Variants in PTPRT observed in about 807,000 individuals in gnomAD.
PTPRT encodes protein tyrosine phosphatase receptor type T, also known as receptor-type tyrosine-protein phosphatase T.
In PTPRT, 56 loss-of-function variants were observed where a neutral mutation model predicts 176.8. The observed-to-expected ratio is 0.32, with a 90% CI of 0.26 to 0.40. The LOEUF (loss-of-function observed/expected upper bound fraction) is 0.40, where lower values mean the gene tolerates loss of function less well. PTPRT is among the 10% of genes least tolerant of loss of function. The pLI is 1.00. For missense variants in PTPRT, 1,540 were observed against 1,908.2 expected (o/e 0.81, Z 3.60); for synonymous variants, 783 against 739.0 (o/e 1.06, Z -0.96).
chr20:42,242,413 T>C (rs1260503897), intron 14 of PTPRT, among the ~76,000 whole-genome samples: 1 of 152,182 alleles, frequency 6.6e-6, no homozygotes, highest in Non-Finnish European at 1.5e-5. Flanking sequence ...AGACAGCTGA[T>C]GGTCTAGTGA....
chr20:42,406,627 GC>G (rs1430536266), intron 9 of PTPRT, among the ~76,000 whole-genome samples: 1 of 151,770 alleles, frequency 6.6e-6, no homozygotes, highest in Non-Finnish European at 1.5e-5. Context: ...TAAAAATAAA[GC>G]TTTTCCATTC....
intron 27 of PTPRT, among the ~76,000 whole-genome samples, chr20:42,087,872 CAAAAAAAA>C (rs56235565): frequency 0.013 from 1,150 of 89,064 alleles, 19 homozygotes; most frequent in African/African-American, 0.038. Flanking sequence ...GACTCCATTT[CAAAAAAAA>C]AAAAAAAAAA....
At chr20:42,149,681 C>T (rs1989037054) in intron 17 of PTPRT, among the ~76,000 whole-genome samples, 1 of 152,174 alleles carries the variant, frequency 6.6e-6, no homozygotes, top group African/African-American at 2.4e-5. Context: ...GCCTTGGCCT[C>T]CCAAAGTGCT....
At chr20:42,128,141 TTC>T in intron 19 of PTPRT, among the ~76,000 whole-genome samples, 1 of 152,204 alleles carries the variant, frequency 6.6e-6, no homozygotes, top group East Asian at 1.9e-4. Flanking sequence ...GCTTGTGCTA[TTC>T]TCTCTAACTA....
At chr20:42,843,591 G>A (rs1182419534) in intron 2 of PTPRT, among the ~76,000 whole-genome samples, 1 of 152,240 alleles carries the variant, frequency 6.6e-6, no homozygotes, top group East Asian at 1.9e-4. Context: ...TTGAGCAATA[G>A]TAAGAATATG....
At chr20:42,274,730 G>C (rs1032619300) in intron 13 of PTPRT, among the ~76,000 whole-genome samples, 2 of 152,144 alleles carry the variant, frequency 1.3e-5, no homozygotes, top group African/African-American at 4.8e-5. Flanking sequence ...CAACCCTGAA[G>C]ACTAACTAAT....
the PTPRT span, among the ~76,000 whole-genome samples, chr20:42,064,761 G>A: frequency 6.6e-6 from 1 of 152,176 alleles, no homozygotes; most frequent in Non-Finnish European, 1.5e-5. Context: ...AAACATTTAT[G>A]AAAATCTTTA....
At chr20:42,086,166 T>C (rs1983885274) in intron 27 of PTPRT, among the ~76,000 whole-genome samples, 1 of 152,146 alleles carries the variant, frequency 6.6e-6, no homozygotes, top group Admixed American at 6.5e-5. Context: ...CTTGAACTCC[T>C]GACCTCGGGT....
chr20:42,821,781 A>T (rs1379529724), intron 2 of PTPRT, among the ~76,000 whole-genome samples: 8 of 152,192 alleles, frequency 5.3e-5, no homozygotes, highest in African/African-American at 1.9e-4. Context: ...GCAAGCAGAG[A>T]GCCAAATCAT....
intron 16 of PTPRT, among the ~76,000 whole-genome samples, chr20:42,180,435 C>A (rs907737774): frequency 2.6e-5 from 4 of 152,170 alleles, no homozygotes; most frequent in Non-Finnish European, 4.4e-5. Flanking sequence ...TCCCATTCAG[C>A]ATGTTCTATT....
intron 12 of PTPRT, among the ~76,000 whole-genome samples, chr20:42,285,820 T>G (rs1490838945): frequency 6.6e-6 from 1 of 151,820 alleles, no homozygotes; most frequent in Non-Finnish European, 1.5e-5. Context: ...CTCCTAGAAC[T>G]GCTAAGCAAA....
At chr20:42,634,095 ATAT>A (rs1178303760) in intron 7 of PTPRT, among the ~76,000 whole-genome samples, 1 of 46,962 alleles carries the variant, frequency 2.1e-5, no homozygotes, top group African/African-American at 1.1e-4. Flanking sequence ...TAATATAATA[ATAT>A]ATATATTATA....
At chr20:42,584,983 TA>T (rs1180950912) in intron 7 of PTPRT, among the ~76,000 whole-genome samples, 1 of 152,230 alleles carries the variant, frequency 6.6e-6, no homozygotes, top group East Asian at 1.9e-4. Context: ...CACTGGTGCT[TA>T]CCCATCCTGC....
chr20:42,977,151 A>G (rs1227574910), intron 1 of PTPRT, among the ~76,000 whole-genome samples: 1 of 152,166 alleles, frequency 6.6e-6, no homozygotes, highest in Non-Finnish European at 1.5e-5. Flanking sequence ...CAAATCCAAA[A>G]TGCCAGACAG....
intron 9 of PTPRT, among the ~76,000 whole-genome samples, chr20:42,417,071 G>T (rs1204563114): frequency 1.3e-5 from 2 of 152,190 alleles, no homozygotes; most frequent in Non-Finnish European, 2.9e-5. Context: ...GCTGGAGAGG[G>T]AGAAAGGATG....
chr20:42,255,041 G>A (rs775812403), intron 13 of PTPRT, among the ~76,000 whole-genome samples: 3 of 152,074 alleles, frequency 2.0e-5, no homozygotes, highest in Non-Finnish European at 2.9e-5. Flanking sequence ...ACAAAGGCAG[G>A]GGAATGTGTC....
intron 13 of PTPRT, among the ~76,000 whole-genome samples, chr20:42,253,295 C>T (rs1482290570): frequency 2.0e-5 from 3 of 152,176 alleles, no homozygotes; most frequent in Non-Finnish European, 1.5e-5. Flanking sequence ...GCGCTTTCCA[C>T]AGATGCCAGC....
Position 42,562,457 on chromosome 20 carries a change from T to C in PTPRT, c.1154-89895A>G, listed in dbSNP as rs189640038. Among the ~76,000 whole-genome samples the C allele has an allele frequency of 3.5e-3, 540 of 152,342 alleles. 8 individuals are homozygous for C. Among genetic ancestry groups the C allele is most frequent in the African/African-American group, 0.013 (521 of 41,578 alleles). ...TAGCCAGTCCCTTTCTGTTGATAAA[T>C]AGTATTCCACTGTAGCAGTACAATA... On this transcript the variant is annotated intron_variant, in intron 7 of 30. Coordinates refer to ENST00000373187, the MANE Select transcript of PTPRT (RefSeq NM_007050.6).
chr20:42,106,028 T>TG (rs1357060069), intron 24 of PTPRT, among the ~76,000 whole-genome samples: 6 of 152,160 alleles, frequency 3.9e-5, no homozygotes, highest in Non-Finnish European at 5.9e-5. Flanking sequence ...CAGAGGCCTT[T>TG]GGGGGTCACA....
Sources: gnomAD v4.1 joint callset for allele counts (sites outside exome capture counted in the v4.1 genomes callset) on GRCh38, gnomAD v4.1.1 for gene constraint, MANE v1.5 for transcripts, NCBI Gene and HGNC (gene_info 2026-07-23, HGNC 2026-07-21) for gene names.